Variants in GRM8 observed in about 807,000 individuals in gnomAD.
The protein encoded by GRM8 is metabotropic glutamate receptor 8.
A neutral mutation model predicts 87.2 loss-of-function variants in GRM8; 47 were observed. The ratio of observed to expected loss-of-function variants is 0.54; its 90% CI spans 0.43 to 0.69. The LOEUF (loss-of-function observed/expected upper bound fraction) is 0.69, where lower values mean the gene tolerates loss of function less well. GRM8 is among the 30% of genes least tolerant of loss of function. The probability of loss-of-function intolerance (pLI) is 0.00; values close to 1 mark genes in which losing one functional copy is unlikely to be tolerated. For synonymous variants in GRM8, 396 were observed against 404.5 expected (o/e 0.98, Z 0.25); for missense variants, 1,019 against 1,139.2 (o/e 0.89, Z 1.52).
At chr7:127,057,354 A>G (rs1297685199) in intron 3 of GRM8, among the ~76,000 whole-genome samples, 1 of 152,186 alleles carries the variant, frequency 6.6e-6, no homozygotes, top group Admixed American at 6.5e-5. Context: ...AGTAGAGTCT[A>G]TGTAGCTCTG....
intron 7 of GRM8, among the ~76,000 whole-genome samples, chr7:126,675,775 G>A (rs1806894577): frequency 6.6e-6 from 1 of 152,160 alleles, no homozygotes; most frequent in Non-Finnish European, 1.5e-5. Context: ...CAAACCCATA[G>A]CCAGCATAAT....
At chr7:126,910,643 G>T (rs574843653) in intron 3 of GRM8, among the ~76,000 whole-genome samples, 1 of 152,272 alleles carries the variant, frequency 6.6e-6, no homozygotes, top group South Asian at 2.1e-4. Flanking sequence ...TTTTATTAGG[G>T]TGCCATGAAT....
At chr7:126,985,509 T>G (rs1811966865) in intron 3 of GRM8, among the ~76,000 whole-genome samples, 1 of 152,234 alleles carries the variant, frequency 6.6e-6, no homozygotes, top group Non-Finnish European at 1.5e-5. Context: ...TTCTGTTGCT[T>G]ATAACAGAAT....
chr7:126,919,356 A>T (rs1804255905), intron 3 of GRM8, among the ~76,000 whole-genome samples: 1 of 152,230 alleles, frequency 6.6e-6, no homozygotes, highest in Non-Finnish European at 1.5e-5. Context: ...ACTGTGAATT[A>T]TGTAAGTTCT....
At chr7:126,858,854 A>C (rs1246303582) in intron 6 of GRM8, among the ~76,000 whole-genome samples, 1 of 152,112 alleles carries the variant, frequency 6.6e-6, no homozygotes, top group East Asian at 1.9e-4. Flanking sequence ...ATTTGTTGTA[A>C]TTTTGTCTTT....
intron 6 of GRM8, among the ~76,000 whole-genome samples, chr7:126,806,827 C>T (rs941218873): frequency 1.3e-5 from 2 of 152,186 alleles, no homozygotes; most frequent in Non-Finnish European, 2.9e-5. Context: ...CCCGCGCCTA[C>T]CCGGAACCGC....
At position 127,151,967 on chromosome 7, in the gene GRM8, C is replaced by A. The variant is rs11563703; in HGVS notation, c.511-45255G>T. ...GTTAATATTAGATGTTCCTAGTCCCCTTTAAAGTTACTTACGATTTCTCAC... is the reference window on the plus strand; with the variant it reads ...GTTAATATTAGATGTTCCTAGTCCCATTTAAAGTTACTTACGATTTCTCAC... On this transcript the variant is annotated intron_variant, in intron 2 of 10. Coordinates refer to ENST00000339582, the MANE Select transcript of GRM8 (RefSeq NM_000845.3). Among the ~76,000 whole-genome samples, 1,073 of 144,928 alleles carry A rather than the reference C, an allele frequency of 7.4e-3. 21 individuals are homozygous for A. The highest frequency in any genetic ancestry group is 0.03 in the Middle Eastern group (8 of 268).
At chr7:127,015,001 AAAGAAGAAGAAGAAGAAG>A (rs538403014) in intron 3 of GRM8, among the ~76,000 whole-genome samples, 814 of 59,694 alleles carry the variant, frequency 0.014, 12 homozygotes, top group African/African-American at 0.025. Flanking sequence ...GAAGAAGAAG[AAAGAAGAAGAAGAAGAAG>A]AAGAAGAAGA....
At chr7:126,857,875 G>T (rs2130787214) in intron 6 of GRM8, among the ~76,000 whole-genome samples, 1 of 152,246 alleles carries the variant, frequency 6.6e-6, no homozygotes, top group South Asian at 2.1e-4. Flanking sequence ...CTTGAGCCCA[G>T]AAGTTCAAGG....
chr7:127,158,200 C>A (rs952028484), intron 2 of GRM8, among the ~76,000 whole-genome samples: 2 of 152,148 alleles, frequency 1.3e-5, no homozygotes, highest in African/African-American at 4.8e-5. Context: ...GATGTCCTTA[C>A]CCCACCTCAA....
intron 8 of GRM8, among the ~76,000 whole-genome samples, chr7:126,569,473 C>T (rs1246363007): frequency 1.3e-5 from 2 of 152,132 alleles, no homozygotes; most frequent in Non-Finnish European, 2.9e-5. Flanking sequence ...TTATATTCTA[C>T]TACAGGAAGA....
chr7:126,448,443 T>C (rs895099756), intron 9 of GRM8, among the ~76,000 whole-genome samples: 5 of 151,914 alleles, frequency 3.3e-5, no homozygotes, highest in African/African-American at 1.2e-4. Flanking sequence ...TAAATAATAG[T>C]CTTCTCTTAT....
chr7:126,879,435 T>C (rs1391933290), intron 6 of GRM8, among the ~76,000 whole-genome samples: 1 of 152,308 alleles, frequency 6.6e-6, no homozygotes. Context: ...TATGCATAGG[T>C]CTTATCTGTA....
At chr7:126,979,006 G>C (rs1189803566) in intron 3 of GRM8, among the ~76,000 whole-genome samples, 5 of 152,112 alleles carry the variant, frequency 3.3e-5, no homozygotes, top group Admixed American at 3.3e-4. Context: ...AGTCTGTCTG[G>C]CATTCTTCCT....
intron 9 of GRM8, among the ~76,000 whole-genome samples, chr7:126,484,144 C>T (rs559611337): frequency 6.6e-6 from 1 of 151,996 alleles, no homozygotes; most frequent in Non-Finnish European, 1.5e-5. Context: ...ATGAAGTGCA[C>T]TTGTTTTGAA....
intron 6 of GRM8, among the ~76,000 whole-genome samples, chr7:126,818,963 C>T (rs1442637720): frequency 6.6e-6 from 1 of 152,082 alleles, no homozygotes; most frequent in African/African-American, 2.4e-5. Context: ...CAACCCCTGT[C>T]ACTTCCACCT....
intron 8 of GRM8, among the ~76,000 whole-genome samples, chr7:126,558,373 G>A (rs1187113122): frequency 2.0e-5 from 3 of 152,132 alleles, no homozygotes; most frequent in Non-Finnish European, 2.9e-5. Context: ...AGGGCCATGT[G>A]TATATACATG....
intron 3 of GRM8, among the ~76,000 whole-genome samples, chr7:126,951,189 A>G (rs1203550129): frequency 6.6e-6 from 1 of 152,172 alleles, no homozygotes; most frequent in Non-Finnish European, 1.5e-5. Flanking sequence ...TTGTATAAGA[A>G]AAGTGATTAT....
At chr7:126,680,801 T>C (rs1180436728) in intron 7 of GRM8, among the ~76,000 whole-genome samples, 1 of 152,212 alleles carries the variant, frequency 6.6e-6, no homozygotes, top group Non-Finnish European at 1.5e-5. Context: ...TTTATTGGTA[T>C]CCAGATACCA....
Sources: gnomAD v4.1 joint callset for allele counts (sites outside exome capture counted in the v4.1 genomes callset) on GRCh38, gnomAD v4.1.1 for gene constraint, MANE v1.5 for transcripts, NCBI Gene and HGNC (gene_info 2026-07-23, HGNC 2026-07-21) for gene names.